GBP5: variants seen among roughly 807,000 people sequenced by gnomAD.
GBP5 encodes guanylate binding protein 5, also known as guanylate-binding protein 5.
In GBP5, 48 loss-of-function variants were observed where a neutral mutation model predicts 58.2. That is an observed-to-expected ratio of 0.83 (90% CI 0.65 to 1.05). GBP5 has a LOEUF of 1.05. Ranked by LOEUF, GBP5 falls within the 50% of genes least tolerant of loss-of-function variation. The probability of loss-of-function intolerance (pLI) is 0.00; values close to 1 mark genes in which losing one functional copy is unlikely to be tolerated. For synonymous variants in GBP5, 248 were observed against 251.8 expected, an observed-to-expected ratio of 0.98 and a Z score of 0.14; for missense variants, 714 against 686.8, an observed-to-expected ratio of 1.04 and a Z score of -0.44.
chr1:89,262,404 G>A lies in GBP5; in HGVS notation c.1466-3C>T. On this transcript the variant is annotated splice_region_variant and splice_polypyrimidine_tract_variant and intron_variant, in intron 10 of 11. Transcript: ENST00000370459. ...AGCTTCTGCTTTCACTTGTGCCTCT[G>A]AGGAGAAAAAGATAATCTTCTCTAG... The A allele has an allele frequency of 6.2e-7, 1 of 1,612,570 alleles. No individual in the cohort carries two copies. Among genetic ancestry groups the A allele is most frequent in the Non-Finnish European group, 8.5e-7 (1 of 1,179,420 alleles).
chr1:89,259,088 TAAGC>T lies in GBP5; in HGVS notation c.*1612_*1615del, dbSNP rs1649893730. On this transcript the variant is annotated 3_prime_UTR_variant, in exon 12 of 12. Transcript: ENST00000370459. ...TTAAGATCATTTAACTTTAGCACTA[TAAGC>T]AAGCATTAAATTAAATGCACTCAGA... is the stretch of plus-strand genomic sequence containing the variant. 1 of 152,198 alleles carries T rather than the reference TAAGC, an allele frequency of 6.6e-6. No individual in the cohort carries two copies. The highest frequency in any genetic ancestry group is 2.4e-5 in the African/African-American group (1 of 41,454). The allele number at this position is 152,198 out of a possible 1,614,324, so 9.4% of individuals were successfully genotyped here. A position where few individuals can be genotyped will look rare whatever the true frequency, so the allele number is the denominator to read the frequency against.
chr1:89,268,176 G>T (rs140113980), intron 4 of GBP5, among the ~76,000 whole-genome samples: 311 of 152,332 alleles, frequency 2.0e-3, no homozygotes, highest in South Asian at 0.013. Context: ...GGAGTATTCA[G>T]AAAATAGTCA....
intron 4 of GBP5, among the ~76,000 whole-genome samples, chr1:89,267,910 G>A (rs903608570): frequency 1.3e-5 from 2 of 152,098 alleles, no homozygotes; most frequent in South Asian, 4.2e-4. Context: ...CTGTGAGATG[G>A]GTTTATAGTT....
chr1:89,262,975 T>G, intron 9 of GBP5, 190 bp from the exon 10 acceptor site: 4 of 440,222 alleles, frequency 9.1e-6, no homozygotes, highest in South Asian at 8.6e-5. Flanking sequence ...CAATTGAGAC[T>G]GGAGAGGCTT....
At position 89,266,521 on chromosome 1, in the gene GBP5, CT is replaced by C. The variant is rs767245260; in HGVS notation, c.692del (p.Lys231ArgfsTer26). Reference protein sequence around the residue: ...RLCIQKFFPKKKCFIFDLPAH... With the variant: ...RLCIQKFFPKXKCFIFDLPAH... ...CAGGTAAGTCAAAGATAAAGCATTTCTTTTTTGGAAAGAACTTCTGTATACA... is the reference window on the plus strand; with the variant it reads ...CAGGTAAGTCAAAGATAAAGCATTTCTTTTTGGAAAGAACTTCTGTATACA... On this transcript the variant is annotated frameshift_variant, in exon 7 of 12. Coordinates refer to ENST00000370459, the MANE Select transcript of GBP5 (RefSeq NM_052942.5). LOFTEE classifies it high-confidence loss of function. The C allele has an allele frequency of 5.0e-6, 8 of 1,613,832 alleles. No homozygotes were observed. The Admixed American group carries it at 1.2e-4, about 24-fold the overall frequency.
At chr1:89,266,198 C>A in intron 7 of GBP5, 148 bp downstream of exon 7, 1 of 700,944 alleles carries the variant, frequency 1.4e-6, no homozygotes, top group South Asian at 2.0e-5. Flanking sequence ...GTGATACCCA[C>A]TGAAACTTAA....
Position 89,265,814 on chromosome 1 carries a change from G to A in GBP5, c.868+532C>T, listed in dbSNP as rs567151564. 6.0e-5 allele frequency among the ~76,000 whole-genome samples: 9 copies of A among 150,046 alleles called. No individual in the cohort carries two copies. The South Asian group carries it at 1.3e-3, about 21-fold the overall frequency. On this transcript the variant is annotated intron_variant, in intron 7 of 11. Coordinates refer to ENST00000370459, the MANE Select transcript of GBP5 (RefSeq NM_052942.5). ...GTTTGTTTGAACTTTCCTGTTTTAC[G>A]TCCTTGTCATTTGCACACTTTTGTT...
rs200485655 is a variant in GBP5 at position 89,266,383 on chromosome 1, G to A, written c.831C>T (p.Thr277=). ...CCATGATGCCACCTGGAAGAGTCTT[G>A]GTCATAGAATGGCTAAAGATGTAGG... The part of the protein sequence containing the change: ...FCSYIFSHSM[T]KTLPGGIMVN... Residue 277 remains threonine, a synonymous_variant, in exon 7 of 12, where the codon ACC becomes ACT. Transcript: ENST00000370459. The A allele has an allele frequency of 1.9e-6, 3 of 1,613,264 alleles. No homozygotes were observed. Among genetic ancestry groups the A allele is most frequent in the South Asian group, 1.1e-5 (1 of 91,070 alleles).
At chr1:89,262,970 G>T in intron 9 of GBP5, 185 bp from the exon 10 acceptor site, 1 of 447,014 alleles carries the variant, frequency 2.2e-6, no homozygotes. Flanking sequence ...ACTGCCAATT[G>T]AGACTGGAGA....
chr1:89,259,110 C>T lies in GBP5; in HGVS notation c.*1594G>A, dbSNP rs1021812924. 6.6e-6 allele frequency: 1 copy of T among 152,080 alleles called. No homozygotes were observed. Among genetic ancestry groups the T allele is most frequent in the Admixed American group, 6.5e-5 (1 of 15,278 alleles). The allele number at this position is 152,080 out of a possible 1,614,324, so 9.4% of individuals were successfully genotyped here. On this transcript the variant is annotated 3_prime_UTR_variant, in exon 12 of 12. Coordinates refer to ENST00000370459, the MANE Select transcript of GBP5 (RefSeq NM_052942.5). ...CTATAAGCAAGCATTAAATTAAATG[C>T]ACTCAGATTTTTGGCACATTATATG...
Position 89,266,573 on chromosome 1 carries a change from A to G in GBP5, c.641T>C (p.Val214Ala). The G allele has an allele frequency of 1.9e-6, 3 of 1,612,472 alleles. No individual in the cohort carries two copies. Among genetic ancestry groups the G allele is most frequent in the Non-Finnish European group, 2.5e-6 (3 of 1,178,716 alleles). The change falls in exon 7 of 12, where the codon GTT (valine) becomes GCT (alanine). Residue 214 changes from valine (V) to alanine (A), a missense_variant. Val to Ala is a moderately conservative substitution (Grantham distance 64). Coordinates refer to ENST00000370459, the MANE Select transcript of GBP5 (RefSeq NM_052942.5). ...CAGACGGGGCAAATTGAAATTTTGA[A>G]CTCTTTGATCACTACCTGGAGAATA... is the stretch of plus-strand genomic sequence containing the variant. ...LRPKQGSDQR[V>A]QNFNLPRLCI... is the part of the protein sequence containing the mutation.
At chr1:89,261,608 T>A (rs1216892469) in intron 11 of GBP5, among the ~76,000 whole-genome samples, 1 of 152,142 alleles carries the variant, frequency 6.6e-6, no homozygotes, top group Non-Finnish European at 1.5e-5. Flanking sequence ...ATGGATTAGA[T>A]GAGATAATGC....
Position 89,262,719 on chromosome 1 carries a change from C to A in GBP5, c.1429G>T (p.Asp477Tyr). Residue 477 changes from aspartate to tyrosine, a missense_variant, in exon 10 of 12, where the codon GAC (aspartate) becomes TAC (tyrosine). Coordinates refer to ENST00000370459, the MANE Select transcript of GBP5 (RefSeq NM_052942.5). Reference sequence around the variant, plus strand: ...TTTTCCGTCTCTGTGAGAGCCTGGTCAGTCTGTAATATTGCATGACTCACA... The same window carrying A: ...TTTTCCGTCTCTGTGAGAGCCTGGTAAGTCTGTAATATTGCATGACTCACA... ...ESVSHAILQT[D>Y]QALTETEKKK... The A allele has an allele frequency of 6.2e-7, 1 of 1,609,586 alleles. No homozygotes were observed. The highest frequency in any genetic ancestry group is 1.1e-5 in the South Asian group (1 of 90,794).
Position 89,268,723 on chromosome 1 carries a change from C to A in GBP5, c.318+6G>T, listed in dbSNP as rs369385699. On this transcript the variant is annotated splice_donor_region_variant and intron_variant, in intron 4 of 11. Transcript: ENST00000370459. ...TAGGAGGTTAAAAAAAGGAATCCTTCCTTACCTTCTCTACATCTCCCAGGC... is the reference window on the plus strand; with the variant it reads ...TAGGAGGTTAAAAAAAGGAATCCTTACTTACCTTCTCTACATCTCCCAGGC... The A allele has an allele frequency of 1.2e-6, 2 of 1,613,832 alleles. No homozygotes were observed. Among genetic ancestry groups the A allele is most frequent in the Non-Finnish European group, 1.7e-6 (2 of 1,179,854 alleles).
In GBP5 at chr1:89,263,930, G is replaced by C; in HGVS notation, c.1168C>G (p.Gln390Glu). The change falls in exon 9 of 12, where the codon CAG (glutamine) becomes GAG (glutamate). Residue 390 changes from glutamine (Q) to glutamate (E), a missense_variant. Coordinates refer to ENST00000370459, the MANE Select transcript of GBP5 (RefSeq NM_052942.5). ...KELETLLDAKQNDICKRNLEA... is the reference protein window; with the variant it reads ...KELETLLDAKENDICKRNLEA... ...AGGTTCCGTTTACAAATGTCATTCTGTTTTGCATCTAGTAGAGTCTTCAAA... is the reference window on the plus strand; with the variant it reads ...AGGTTCCGTTTACAAATGTCATTCTCTTTTGCATCTAGTAGAGTCTTCAAA... The C allele has an allele frequency of 6.2e-7, 1 of 1,608,672 alleles. No individual in the cohort carries two copies. Among genetic ancestry groups the C allele is most frequent in the Non-Finnish European group, 8.5e-7 (1 of 1,176,954 alleles).
intron 5 of GBP5, 89 bp from the exon 6 acceptor site, chr1:89,267,242 C>T: frequency 8.5e-7 from 1 of 1,175,916 alleles, no homozygotes; most frequent in East Asian, 2.4e-5. Flanking sequence ...TTATTTTCCC[C>T]TACGAGTCTT....
intron 7 of GBP5, 131 bp downstream of exon 7, chr1:89,266,215 T>A (rs1161319237): frequency 5.4e-6 from 4 of 746,712 alleles, no homozygotes; most frequent in Admixed American, 2.8e-5. Flanking sequence ...TTAATAAATA[T>A]GATACATATG....
chr1:89,262,995 C>G lies in GBP5; in HGVS notation c.1363-210G>C. 1.0e-5 allele frequency: 4 copies of G among 401,752 alleles called. No homozygotes were observed. The Admixed American group carries it at 1.6e-4, about 16-fold the overall frequency. The allele number at this position is 401,752 out of a possible 1,614,324, so 24.9% of individuals were successfully genotyped here. On this transcript the variant is annotated intron_variant, in intron 9 of 11. Coordinates refer to ENST00000370459, the MANE Select transcript of GBP5 (RefSeq NM_052942.5). ...GAGACTGGAGAGGCTTGTGGAACACCTGCTCCTGTCACAAGTTTGGCCATG... is the reference window on the plus strand; with the variant it reads ...GAGACTGGAGAGGCTTGTGGAACACGTGCTCCTGTCACAAGTTTGGCCATG...
At chr1:89,262,061 CATAT>C in intron 11 of GBP5, 155 bp downstream of exon 11, 1 of 679,542 alleles carries the variant, frequency 1.5e-6, no homozygotes, top group Non-Finnish European at 2.6e-6. Flanking sequence ...TTGCCTAAAC[CATAT>C]ACTTACTAAG....
Sources: allele counts gnomAD v4.1 joint callset (sites outside exome capture counted in the v4.1 genomes callset), GRCh38; gene constraint gnomAD v4.1.1; transcripts MANE v1.5; gene names NCBI Gene and HGNC (gene_info 2026-07-23, HGNC 2026-07-21).